PLEKHA7: variants seen among roughly 807,000 people sequenced by gnomAD.
PLEKHA7 encodes pleckstrin homology domain-containing family A member 7.
In PLEKHA7, 104 loss-of-function variants were observed where a neutral mutation model predicts 170.0. The ratio of observed to expected loss-of-function variants is 0.61; its 90% CI spans 0.52 to 0.72. The LOEUF is 0.72. Ranked by LOEUF, PLEKHA7 falls within the 30% of genes least tolerant of loss-of-function variation. PLEKHA7 has a pLI of 0.00. For missense variants in PLEKHA7, 1,615 were observed against 1,671.7 expected (o/e 0.97, Z 0.59); for synonymous variants, 648 against 660.8 (o/e 0.98, Z 0.30).
intron 3 of PLEKHA7, among the ~76,000 whole-genome samples, chr11:16,889,400 C>CAAAAAAAAAA (rs869268116): frequency 5.1e-4 from 27 of 52,738 alleles, no homozygotes; most frequent in Non-Finnish European, 8.2e-4. Flanking sequence ...CTTTATTGCT[C>CAAAAAAAAAA]AAAAAAAAAA....
chr11:16,933,690 C>T (rs561234205), intron 3 of PLEKHA7, among the ~76,000 whole-genome samples: 54 of 152,248 alleles, frequency 3.5e-4, no homozygotes, highest in South Asian at 2.7e-3. Flanking sequence ...GTTGATTAAA[C>T]GTCCAAGAGG....
rs1355048703 is a variant in PLEKHA7, at chr11:16,817,484, C to T, written c.1344-162G>A. The T allele has an allele frequency of 1.5e-6, 1 of 667,188 alleles. No homozygotes were observed. Among genetic ancestry groups the T allele is most frequent in the East Asian group, 2.9e-5 (1 of 34,680 alleles). 41.3% of individuals were successfully genotyped at this position (667,188 alleles called of 1,614,324 possible). A position where few individuals can be genotyped will look rare whatever the true frequency, so the allele number is the denominator to read the frequency against. ...ACATCCAGGACTTCAGTCACTTCCCCTTTTGGCAGACGACTCCAAAACCAT... is the reference window on the plus strand; with the variant it reads ...ACATCCAGGACTTCAGTCACTTCCCTTTTTGGCAGACGACTCCAAAACCAT... On this transcript the variant is annotated intron_variant, in intron 10 of 26. Coordinates refer to ENST00000531066, the MANE Select transcript of PLEKHA7 (RefSeq NM_001329630.2). The surrounding 1 kb of genome is among the most constrained non-coding windows in gnomAD (Gnocchi z 4.4).
Position 16,817,324 on chromosome 11 carries a change from TGAG to T in PLEKHA7, c.1344-5_1344-3del. Reference sequence around the variant, plus strand: ...GGAAGCGTCTGGTCCAAGGGAAGACTGAGGAGAAAGGGTAAGAACGGGTCAGGC... The same window carrying T: ...GGAAGCGTCTGGTCCAAGGGAAGACTGAGAAAGGGTAAGAACGGGTCAGGC... On this transcript the variant is annotated splice_region_variant and splice_polypyrimidine_tract_variant and intron_variant, in intron 10 of 26. Transcript: ENST00000531066. This position sits in a 1 kb window ranked among gnomAD's most constrained non-coding sequence, Gnocchi z 4.4. 1 of 1,603,728 alleles carries T rather than the reference TGAG, an allele frequency of 6.2e-7. No individual in the cohort carries two copies. Among genetic ancestry groups the T allele is most frequent in the Non-Finnish European group, 8.5e-7 (1 of 1,177,678 alleles).
intron 13 of PLEKHA7, among the ~76,000 whole-genome samples, chr11:16,811,837 C>T (rs1208571091): frequency 6.6e-6 from 1 of 152,170 alleles, no homozygotes; most frequent in East Asian, 1.9e-4. Context: ...CTGCCCTGGC[C>T]ACAACCACTG....
At chr11:16,956,716 C>G (rs1310269279) in intron 3 of PLEKHA7, among the ~76,000 whole-genome samples, 1 of 152,186 alleles carries the variant, frequency 6.6e-6, no homozygotes, top group East Asian at 1.9e-4. Flanking sequence ...GGCCCTAATC[C>G]ACAATCTGTC....
chr11:16,902,509 T>G (rs1857404904), intron 3 of PLEKHA7, among the ~76,000 whole-genome samples: 1 of 152,202 alleles, frequency 6.6e-6, no homozygotes, highest in Non-Finnish European at 1.5e-5. Context: ...ACTTCTAAAG[T>G]ATCTGTCCTT....
At chr11:16,889,420 A>AAAAAATATAT (rs61086849) in intron 3 of PLEKHA7, among the ~76,000 whole-genome samples, 75 of 74,644 alleles carry the variant, frequency 1.0e-3, no homozygotes, top group Non-Finnish European at 1.4e-3. Flanking sequence ...AAAAAAAAAA[A>AAAAAATATAT]ATATATATAT....
chr11:16,892,454 GTTTT>G (rs887725333), intron 3 of PLEKHA7, among the ~76,000 whole-genome samples: 29 of 112,374 alleles, frequency 2.6e-4, no homozygotes, highest in African/African-American at 8.8e-4. Context: ...GTTTTGTTTT[GTTTT>G]GTTTTGAGAT....
At chr11:16,941,355 A>G (rs565318745) in intron 3 of PLEKHA7, among the ~76,000 whole-genome samples, 9 of 152,316 alleles carry the variant, frequency 5.9e-5, no homozygotes, top group African/African-American at 1.7e-4. Flanking sequence ...GGGCTGCTCT[A>G]TTGAACACCT....
intron 8 of PLEKHA7, among the ~76,000 whole-genome samples, chr11:16,848,445 A>G (rs1852644650): frequency 6.6e-6 from 1 of 152,242 alleles, no homozygotes. Context: ...AAATCCTATG[A>G]ACCTTTTCCA....
At position 16,789,373 on chromosome 11, in the gene PLEKHA7, G is replaced by A. The variant is rs550339443; in HGVS notation, c.3157-77C>T. The A allele has an allele frequency of 4.4e-5, 61 of 1,386,106 alleles. No homozygotes were observed. The African/African-American group carries it at 7.1e-4, about 16-fold the overall frequency. The allele number at this position is 1,386,106 out of a possible 1,614,324, so 85.9% of individuals were successfully genotyped here. A position where few individuals can be genotyped will look rare whatever the true frequency, so the allele number is the denominator to read the frequency against. ...GCAGAGGACAGCCACCCTGCTGGCT[G>A]CATTCCCGTTGTCTCTCTCTCACAC... On this transcript the variant is annotated intron_variant, in intron 22 of 26. Coordinates refer to ENST00000531066, the MANE Select transcript of PLEKHA7 (RefSeq NM_001329630.2). The surrounding 1 kb of genome is among the most constrained non-coding windows in gnomAD (Gnocchi z 4.6).
At chr11:16,965,124 C>G (rs1478159578) in intron 3 of PLEKHA7, among the ~76,000 whole-genome samples, 1 of 151,730 alleles carries the variant, frequency 6.6e-6, no homozygotes, top group Non-Finnish European at 1.5e-5. Context: ...GCCTGGCCAA[C>G]ATGGCGAAAC....
At position 16,851,364 on chromosome 11, in the gene PLEKHA7, G is replaced by C. The variant is rs143503930; in HGVS notation, c.596-73C>G. The C allele has an allele frequency of 7.6e-4, 863 of 1,129,274 alleles. 10 individuals carry two copies. Among genetic ancestry groups the C allele is most frequent in the South Asian group, 7.0e-3 (423 of 60,012 alleles). 70.0% of individuals were successfully genotyped at this position (1,129,274 alleles called of 1,614,324 possible). ...GGGCTCATCTGTCCCACTGCTTCCA[G>C]AACTTCAGCCAAGTTGTTTCCTCCC... On this transcript the variant is annotated intron_variant, in intron 7 of 26. Transcript: ENST00000531066.
intron 4 of PLEKHA7, among the ~76,000 whole-genome samples, chr11:16,869,650 A>G (rs1284430838): frequency 6.6e-6 from 1 of 152,250 alleles, no homozygotes; most frequent in Non-Finnish European, 1.5e-5. Flanking sequence ...ATTTGCTTCA[A>G]AATAATCTAG....
rs1850017356 is a variant in PLEKHA7 at position 16,819,159 on chromosome 11, G to A, written c.1344-1837C>T. ...TTTGCCCAGGCTGGAGTGCAGCGGT[G>A]CAATCTTGGCTCACTGCAACCTCCG... is the stretch of plus-strand genomic sequence containing the variant. On this transcript the variant is annotated intron_variant, in intron 10 of 26. Transcript: ENST00000531066. 1.3e-5 allele frequency among the ~76,000 whole-genome samples: 2 copies of A among 151,586 alleles called. 1 individual carries two copies. The highest frequency in any genetic ancestry group is 4.2e-4 in the South Asian group (2 of 4,798).
rs1185278811 is a variant in PLEKHA7 at position 16,783,789 on chromosome 11, C to G, written c.3561G>C (p.Glu1187Asp). 6.6e-7 allele frequency: 1 copy of G among 1,513,576 alleles called. No individual in the cohort carries two copies. The highest frequency in any genetic ancestry group is 8.8e-7 in the Non-Finnish European group (1 of 1,136,222). The allele number at this position is 1,513,576 out of a possible 1,614,324, so 93.8% of individuals were successfully genotyped here. The change falls in exon 25 of 27, where the codon GAG becomes GAC. Residue 1187 changes from glutamate (E) to aspartate (D), a missense_variant. By Grantham distance (45) the Glu-to-Asp change is conservative (BLOSUM62 2). Transcript: ENST00000531066. ...EKVSIPERYV[E>D]LDPEEPPSLE... ...GGCTGGGTGGCTCTTCGGGATCTAG[C>G]TCCACGTAGCGCTCAGGGATTGACA...
chr11:17,000,680 G>C (rs1230373330), intron 3 of PLEKHA7, among the ~76,000 whole-genome samples: 2 of 152,154 alleles, frequency 1.3e-5, no homozygotes, highest in Non-Finnish European at 2.9e-5. Flanking sequence ...TATATAGCAT[G>C]TACAAGTTGC....
intron 3 of PLEKHA7, among the ~76,000 whole-genome samples, chr11:16,931,600 C>CA (rs200109101): frequency 0.017 from 2,504 of 150,378 alleles, 76 homozygotes; most frequent in African/African-American, 0.058. Context: ...CAAAACAAAA[C>CA]AAAACAAAAA....
chr11:16,881,028 C>T, intron 3 of PLEKHA7, among the ~76,000 whole-genome samples: 1 of 152,290 alleles, frequency 6.6e-6, no homozygotes, highest in South Asian at 2.1e-4. Context: ...ACCTCACTTG[C>T]CAACAAAATA....
Sources: allele counts gnomAD v4.1 joint callset (sites outside exome capture counted in the v4.1 genomes callset), GRCh38; gene constraint gnomAD v4.1.1; non-coding constraint Gnocchi (gnomAD v3.1); transcripts MANE v1.5; gene names NCBI Gene and HGNC (gene_info 2026-07-23, HGNC 2026-07-21).